Variants in DYSF observed in about 807,000 individuals in gnomAD.
DYSF encodes the protein dystrophy-associated fer-1-like 1.
In DYSF, 212 loss-of-function variants were observed where a neutral mutation model predicts 274.9. The observed-to-expected ratio is 0.77, with a 90% CI of 0.69 to 0.86. DYSF has a LOEUF of 0.86. Ranked by LOEUF, DYSF falls within the 40% of genes least tolerant of loss-of-function variation. The pLI is 0.00. For synonymous variants in DYSF, 1,091 were observed against 1,078.7 expected (o/e 1.01, Z -0.22); for missense variants, 2,666 against 2,783.2 (o/e 0.96, Z 0.95).
chr2:71,508,051 G>A (rs1176173506), intron 4 of DYSF, among the ~76,000 whole-genome samples: 5 of 152,160 alleles, frequency 3.3e-5, no homozygotes, highest in African/African-American at 9.7e-5. Flanking sequence ...TTGGAGGGCC[G>A]GAGTCAGCAT....
chr2:71,633,440 C>T (rs1184313931), intron 41 of DYSF, among the ~76,000 whole-genome samples: 1 of 152,096 alleles, frequency 6.6e-6, no homozygotes, highest in Non-Finnish European at 1.5e-5. Flanking sequence ...TATGGGGTAG[C>T]AGTACTGGAG....
chr2:71,617,779 G>GA (rs2093929394), intron 40 of DYSF, among the ~76,000 whole-genome samples: 1 of 106,654 alleles, frequency 9.4e-6, no homozygotes, highest in African/African-American at 3.2e-5. Context: ...TGGTAGAGGT[G>GA]GTGTGTGTGT....
intron 30 of DYSF, among the ~76,000 whole-genome samples, chr2:71,579,159 C>T (rs982709808): frequency 2.0e-5 from 3 of 152,162 alleles, no homozygotes; most frequent in Non-Finnish European, 4.4e-5. Flanking sequence ...CTCCTGACGC[C>T]ACCGGCCTCT....
chr2:71,588,241 T>G (rs913804477), intron 30 of DYSF, among the ~76,000 whole-genome samples: 1 of 152,142 alleles, frequency 6.6e-6, no homozygotes, highest in Non-Finnish European at 1.5e-5. Context: ...GGGAGAAGGC[T>G]GGACTGGACC....
intron 11 of DYSF, 66 bp from the exon 12 acceptor site, chr2:71,520,723 C>T (rs1023202474): frequency 6.9e-7 from 1 of 1,455,172 alleles, no homozygotes; most frequent in Non-Finnish European, 9.6e-7. Flanking sequence ...ATCCTGGGTT[C>T]CCGGATGTGG....
Position 71,629,955 on chromosome 2 carries a change from A to G in DYSF, c.4527+9346A>G, listed in dbSNP as rs116089865. On this transcript the variant is annotated intron_variant, in intron 41 of 55. Coordinates refer to ENST00000410020, the MANE Select transcript of DYSF (RefSeq NM_001130987.2). ...TTGCAGTTTCCTCTTAAGACTTCCT[A>G]TGAATACACATGAGCCATTTGTTTT... Among the ~76,000 whole-genome samples the G allele has an allele frequency of 8.8e-3, 1,337 of 152,300 alleles. 17 individuals carry two copies. The highest frequency in any genetic ancestry group is 0.031 in the African/African-American group (1,277 of 41,550).
rs891115351 is a variant in DYSF, at chr2:71,611,448, T to G, written c.4060-17T>G. 1.9e-6 allele frequency: 3 copies of G among 1,614,082 alleles called. No homozygotes were observed. Among genetic ancestry groups the G allele is most frequent in the Non-Finnish European group, 2.5e-6 (3 of 1,180,020 alleles). On this transcript the variant is annotated splice_polypyrimidine_tract_variant and intron_variant, in intron 37 of 55. Transcript: ENST00000410020. ...CCCGGGGCCTTCTGAGCCACTCTCC[T>G]CATTCTGTGTGCTTAGATCCTGGCA... is the stretch of plus-strand genomic sequence containing the variant.
At chr2:71,599,297 A>C (rs1228354629) in intron 33 of DYSF, among the ~76,000 whole-genome samples, 2 of 152,140 alleles carry the variant, frequency 1.3e-5, no homozygotes, top group Non-Finnish European at 2.9e-5. Context: ...CTGTCCAAAA[A>C]GGGAGCCTCT....
At chr2:71,572,967 C>G (rs367707594) in intron 29 of DYSF, among the ~76,000 whole-genome samples, 12 of 152,218 alleles carry the variant, frequency 7.9e-5, no homozygotes, top group Admixed American at 3.9e-4. Flanking sequence ...CATGGATGAG[C>G]ACACGCAAGC....
At chr2:71,596,680 C>G (rs148680155) in intron 32 of DYSF, among the ~76,000 whole-genome samples, 19 of 152,314 alleles carry the variant, frequency 1.2e-4, no homozygotes, top group African/African-American at 2.2e-4. Flanking sequence ...GGGCAGTTCT[C>G]TCTGGCTCCT....
At position 71,589,683 on chromosome 2, in the gene DYSF, G is replaced by A. The variant is rs761528558; in HGVS notation, c.3493G>A (p.Asp1165Asn). ...VNRPTISCIF[D>N]YGNRYHLRCY... ...CAGACCCACGATTTCCTGCATATTC[G>A]ACTGTAAGTGAGGCTTCGAGGCCTC... Residue 1165 changes from aspartate (D) to asparagine (N), a missense_variant, in exon 31 of 56, where the codon GAC (aspartate) becomes AAC (asparagine). Around this residue, in one of 3 missense-constraint regions of DYSF, gnomAD observed 1,460 missense variants for 1,502.1 expected, o/e 0.97. Coordinates refer to ENST00000410020, the MANE Select transcript of DYSF (RefSeq NM_001130987.2). 2.1e-5 allele frequency: 34 copies of A among 1,613,844 alleles called. No individual in the cohort carries two copies. The highest frequency in any genetic ancestry group is 4.5e-5 in the East Asian group (2 of 44,872).
At chr2:71,660,907 A>G (rs915278596) in intron 45 of DYSF, among the ~76,000 whole-genome samples, 1 of 152,136 alleles carries the variant, frequency 6.6e-6, no homozygotes, top group Non-Finnish European at 1.5e-5. Context: ...GCTTGAGCTC[A>G]GGAGTTTGAG....
Position 71,553,966 on chromosome 2 carries a change from ATGCATGCACCTGCTACCCCCGC to A in DYSF, c.2109+42_2109+63del, listed in dbSNP as rs760100825. The A allele has an allele frequency of 2.5e-6, 4 of 1,613,996 alleles. No homozygotes were observed. The South Asian group carries it at 4.4e-5, about 18-fold the overall frequency. Reference sequence around the variant, plus strand: ...AACTTGCCCAAAGCTGCACATGCCTATGCATGCACCTGCTACCCCCGCTGCATGGGGTGTCTCAGACCACCAC... The same window carrying A: ...AACTTGCCCAAAGCTGCACATGCCTATGCATGGGGTGTCTCAGACCACCAC... On this transcript the variant is annotated intron_variant, in intron 21 of 55. Transcript: ENST00000410020.
intron 41 of DYSF, among the ~76,000 whole-genome samples, chr2:71,629,647 A>G (rs978992831): frequency 6.6e-6 from 1 of 152,124 alleles, no homozygotes; most frequent in African/African-American, 2.4e-5. Flanking sequence ...TTTTGGGTCC[A>G]CTAGTTAGTA....
Position 71,570,683 on chromosome 2 carries a change from GGCGGCGCTGGGTGCGCCT to G in DYSF, c.3174_3191del (p.Trp1060_Arg1065del). 6.2e-7 allele frequency: 1 copy of G among 1,614,072 alleles called. No individual in the cohort carries two copies. Among genetic ancestry groups the G allele is most frequent in the Non-Finnish European group, 8.5e-7 (1 of 1,179,968 alleles). ...GAGAAGATGTACTACACACACCGACGGCGGCGCTGGGTGCGCCTGCGCAGGAGGGATCTCAGCCAAATG... is the reference window on the plus strand; with the variant it reads ...GAGAAGATGTACTACACACACCGACGGCGCAGGAGGGATCTCAGCCAAATG... On this transcript the variant is annotated inframe_deletion, in exon 29 of 56. Transcript: ENST00000410020.
At chr2:71,650,022 A>G (rs1464885244) in intron 42 of DYSF, among the ~76,000 whole-genome samples, 4 of 152,266 alleles carry the variant, frequency 2.6e-5, no homozygotes, top group African/African-American at 7.2e-5. Flanking sequence ...AAATGGTACA[A>G]TTCCAAGATA....
intron 23 of DYSF, among the ~76,000 whole-genome samples, chr2:71,562,966 T>C: frequency 6.6e-6 from 1 of 152,154 alleles, no homozygotes; most frequent in East Asian, 1.9e-4. Context: ...GGTCGAACAG[T>C]GCTGTCACTG....
intron 41 of DYSF, among the ~76,000 whole-genome samples, chr2:71,631,238 G>A (rs550575065): frequency 3.2e-4 from 48 of 152,334 alleles, no homozygotes; most frequent in African/African-American, 1.1e-3. Flanking sequence ...CTCTGAGCTT[G>A]AGACTTAGAG....
chr2:71,672,180 C>T (rs540656627), intron 51 of DYSF, among the ~76,000 whole-genome samples: 10 of 151,768 alleles, frequency 6.6e-5, no homozygotes, highest in African/African-American at 1.9e-4. Context: ...GAAACTGGCT[C>T]GGCCGAAGGC....
Sources: allele counts gnomAD v4.1 joint callset (sites outside exome capture counted in the v4.1 genomes callset), GRCh38; gene constraint gnomAD v4.1.1; regional missense constraint gnomAD v4.1.1; transcripts MANE v1.5; gene names NCBI Gene and HGNC (gene_info 2026-07-23, HGNC 2026-07-21).